Variants in PDE1A observed in about 807,000 individuals in gnomAD.
The protein encoded by PDE1A is dual specificity calcium/calmodulin-dependent 3',5'-cyclic nucleotide phosphodiesterase 1A.
PDE1A carries 35 observed loss-of-function variants against 61.7 expected under a neutral mutation model. The observed-to-expected ratio is 0.57, with a 90% CI of 0.43 to 0.75. The LOEUF is 0.75. Ranked by LOEUF, PDE1A falls within the 30% of genes least tolerant of loss-of-function variation. PDE1A has a pLI of 0.00. For missense variants in PDE1A, 597 were observed against 630.6 expected (o/e 0.95, Z 0.57); for synonymous variants, 232 against 213.2 (o/e 1.09, Z -0.77).
At chr2:182,323,898 TGTAGGGCCTGACATTGCA>T (rs1696873932) in intron 1 of PDE1A, among the ~76,000 whole-genome samples, 1 of 152,032 alleles carries the variant, frequency 6.6e-6, no homozygotes, top group Non-Finnish European at 1.5e-5. Flanking sequence ...AAGGCACAAC[TGTAGGGCCTGACATTGCA>T]GTAGGGCTGT....
intron 2 of PDE1A, among the ~76,000 whole-genome samples, chr2:182,519,256 C>T (rs1009498153): frequency 3.3e-5 from 5 of 152,008 alleles, no homozygotes; most frequent in Admixed American, 1.3e-4. Flanking sequence ...CAGCCCTAAA[C>T]GATTGATAAC....
exon 12 of PDE1A, chr2:182,186,504 G>C (rs1247938317): frequency 1.9e-6 from 3 of 1,612,316 alleles, no homozygotes; most frequent in South Asian, 2.2e-5. Flanking sequence ...GGCTTTTGAG[G>C]CTTCCTCTAT....
intron 1 of PDE1A, among the ~76,000 whole-genome samples, chr2:182,306,870 C>G (rs916611527): frequency 6.6e-6 from 1 of 152,122 alleles, no homozygotes; most frequent in African/African-American, 2.4e-5. Flanking sequence ...AGGGGTGACA[C>G]TATACAACAT....
At chr2:182,589,086 T>TAATAAC in the PDE1A span, among the ~76,000 whole-genome samples, 1 of 146,654 alleles carries the variant, frequency 6.8e-6, no homozygotes, top group Non-Finnish European at 1.5e-5. Flanking sequence ...ATAATAATAA[T>TAATAAC]AATAATTTTA....
At chr2:182,439,496 G>T (rs995646799) in intron 2 of PDE1A, among the ~76,000 whole-genome samples, 3 of 151,984 alleles carry the variant, frequency 2.0e-5, no homozygotes, top group African/African-American at 7.2e-5. Flanking sequence ...GGAGAAGTTT[G>T]TCCTACAACA....
Position 182,493,403 on chromosome 2 carries a change from G to C in PDE1A, c.101+28873C>G, listed in dbSNP as rs934512153. Among the ~76,000 whole-genome samples, 9 of 151,984 alleles carry C rather than the reference G, an allele frequency of 5.9e-5. No homozygotes were observed. The East Asian group carries it at 1.6e-3, about 26-fold the overall frequency. ...ACCCATTAACTCGTCATTTACATTA[G>C]GCATAGCTCCTAATGCTATCCCTCC... On this transcript the variant is annotated intron_variant, in intron 2 of 14. Transcript: ENST00000410103.
At chr2:182,376,261 T>C (rs11884145) in intron 1 of PDE1A, among the ~76,000 whole-genome samples, 3,661 of 152,302 alleles carry the variant, frequency 0.024, 133 homozygotes, top group African/African-American at 0.082. Flanking sequence ...CTCTTCTTCA[T>C]TTTTAAAATT....
intron 2 of PDE1A, among the ~76,000 whole-genome samples, chr2:182,466,048 G>T (rs1295293894): frequency 6.6e-6 from 1 of 152,042 alleles, no homozygotes; most frequent in African/African-American, 2.4e-5. Context: ...TTTTGTGTGT[G>T]TGTGTGTGTA....
rs189433145 is a variant in PDE1A at position 182,301,946 on chromosome 2, T to A, written c.54-37532A>T. The stretch of plus-strand genomic sequence containing the variant: ...AGAGGAGGGGCATGATGATTATTAA[T>A]TATAGTTTTAGGATTAATTGCAGCA... On this transcript the variant is annotated intron_variant, in intron 1 of 13. Transcript: ENST00000351439. Among the ~76,000 whole-genome samples, 21 of 152,298 alleles carry A rather than the reference T, an allele frequency of 1.4e-4. No individual in the cohort carries two copies. In the East Asian group the frequency reaches 1.9e-3, roughly 14 times the overall value.
At chr2:182,221,069 C>G (rs533181387) in intron 7 of PDE1A, among the ~76,000 whole-genome samples, 1 of 151,780 alleles carries the variant, frequency 6.6e-6, no homozygotes, top group Non-Finnish European at 1.5e-5. Context: ...TTCTCTGCCC[C>G]CATCTACCCC....
At chr2:182,597,879 A>G in the PDE1A span, among the ~76,000 whole-genome samples, 1 of 152,180 alleles carries the variant, frequency 6.6e-6, no homozygotes, top group South Asian at 2.1e-4. Flanking sequence ...CAGTTTGGAG[A>G]CTTCTCAAAA....
chr2:182,259,646 A>G (rs529416514), intron 2 of PDE1A, among the ~76,000 whole-genome samples: 2 of 152,330 alleles, frequency 1.3e-5, no homozygotes, highest in East Asian at 3.9e-4. Context: ...GACTTTGAAC[A>G]ACCTACTCTT....
At chr2:182,287,326 G>T (rs1559297661) in intron 1 of PDE1A, among the ~76,000 whole-genome samples, 1 of 152,154 alleles carries the variant, frequency 6.6e-6, no homozygotes, top group South Asian at 2.1e-4. Context: ...CTACCACATC[G>T]ATGTATTTTA....
rs1702872907 is a variant in PDE1A, at chr2:182,415,691, C to CAT, written c.53+10885_53+10886dup. Among the ~76,000 whole-genome samples the CAT allele has an allele frequency of 3.9e-5, 6 of 152,206 alleles. No homozygotes were observed. The South Asian group carries it at 1.2e-3, about 32-fold the overall frequency. On this transcript the variant is annotated intron_variant, in intron 1 of 13. Coordinates refer to ENST00000351439, the Ensembl canonical transcript of PDE1A. ...GTTCTAAATTTTCTAGTAAGTGTAT[C>CAT]ATATGTGATATGTTAAATCTATATT...
chr2:182,648,869 C>T, the PDE1A span, among the ~76,000 whole-genome samples: 1 of 152,080 alleles, frequency 6.6e-6, no homozygotes, highest in African/African-American at 2.4e-5. Flanking sequence ...TGATGATATC[C>T]AGTTTATAGA....
intron 2 of PDE1A, among the ~76,000 whole-genome samples, chr2:182,454,195 G>A (rs911012040): frequency 2.6e-5 from 4 of 152,068 alleles, no homozygotes; most frequent in East Asian, 1.9e-4. Context: ...AAAATACCTC[G>A]GAATCCAGCT....
chr2:182,385,640 G>GAAGAAGAAAGA (rs1700994282), intron 1 of PDE1A, among the ~76,000 whole-genome samples: 3 of 70,450 alleles, frequency 4.3e-5, no homozygotes, highest in African/African-American at 8.7e-5. Context: ...AAAGAAAGAA[G>GAAGAAGAAAGA]AAGAAAGAAA....
chr2:182,244,439 T>C (rs919006621), intron 2 of PDE1A, among the ~76,000 whole-genome samples: 2 of 152,158 alleles, frequency 1.3e-5, no homozygotes, highest in Non-Finnish European at 2.9e-5. Flanking sequence ...TTAAGTTTTG[T>C]GGCTTATGGC....
intron 1 of PDE1A, among the ~76,000 whole-genome samples, chr2:182,300,127 C>A (rs541979963): frequency 1.6e-4 from 25 of 152,156 alleles, no homozygotes; most frequent in Non-Finnish European, 3.5e-4. Context: ...AGAAACATGA[C>A]CCTTAACATG....
Sources: gnomAD v4.1 joint callset for allele counts (sites outside exome capture counted in the v4.1 genomes callset) on GRCh38, gnomAD v4.1.1 for gene constraint, MANE v1.5 for transcripts, NCBI Gene and HGNC (gene_info 2026-07-23, HGNC 2026-07-21) for gene names.